Variants in BEND7 observed in about 807,000 individuals in gnomAD.
BEND7 encodes the protein BEN domain containing 7, also known as BEN domain-containing protein 7.
A neutral mutation model predicts 50.9 loss-of-function variants in BEND7; 28 were observed. The observed-to-expected ratio is 0.55, with a 90% CI of 0.41 to 0.75. BEND7 has a LOEUF of 0.75. Among genes scored for constraint, BEND7 ranks in the 30% least tolerant of loss-of-function variants. The pLI, the probability that BEND7 is intolerant of heterozygous loss-of-function variation, is 0.00. For synonymous variants in BEND7, 170 were observed against 183.9 expected (o/e 0.92, Z 0.61); for missense variants, 477 against 491.3 (o/e 0.97, Z 0.28).
chr10:13,498,166 C>G (rs1378754632), intron 3 of BEND7, among the ~76,000 whole-genome samples: 1 of 150,776 alleles, frequency 6.6e-6, no homozygotes, highest in Admixed American at 6.6e-5. Flanking sequence ...ACCCCTGCCT[C>G]CCAGGCTCAA....
At position 13,441,371 on chromosome 10, in the gene BEND7, C is replaced by T; in HGVS notation, c.*372G>A. ...GAACAGTAGTCACAGTAAGTAAACA[C>T]AATTTTAATTTACAAAATATGATTT... On this transcript the variant is annotated 3_prime_UTR_variant, in exon 9 of 9. Coordinates refer to ENST00000466271, the MANE Select transcript of BEND7 (RefSeq NM_001369863.1). The T allele has an allele frequency of 9.4e-7, 1 of 1,059,550 alleles. No homozygotes were observed. Among genetic ancestry groups the T allele is most frequent in the Non-Finnish European group, 1.1e-6 (1 of 879,304 alleles). The allele number at this position is 1,059,550 out of a possible 1,614,324, so 65.6% of individuals were successfully genotyped here. A position where few individuals can be genotyped will look rare whatever the true frequency, so the allele number is the denominator to read the frequency against.
chr10:13,524,071 G>A (rs2079263031), intron 2 of BEND7, among the ~76,000 whole-genome samples: 1 of 152,166 alleles, frequency 6.6e-6, no homozygotes, highest in Non-Finnish European at 1.5e-5. Context: ...AAGCAACAAC[G>A]TCTATCATCT....
chr10:13,499,008 T>C (rs10906395), intron 3 of BEND7, among the ~76,000 whole-genome samples: 49,140 of 152,124 alleles, frequency 0.32, 8,239 homozygotes, highest in Non-Finnish European at 0.38. Context: ...TTAAGGAAAC[T>C]GAAAATGCTT....
intron 2 of BEND7, among the ~76,000 whole-genome samples, chr10:13,516,039 G>C (rs1348362446): frequency 2.6e-5 from 4 of 152,170 alleles, no homozygotes; most frequent in African/African-American, 2.4e-5. Context: ...CTGATCTACT[G>C]ATAACTGGAG....
intron 6 of BEND7, among the ~76,000 whole-genome samples, chr10:13,462,723 AT>A (rs779085077): frequency 6.6e-6 from 1 of 152,234 alleles, no homozygotes; most frequent in Non-Finnish European, 1.5e-5. Flanking sequence ...GAGGGAGAGA[AT>A]TCAAAGAATG....
chr10:13,457,253 C>A (rs10906376), intron 6 of BEND7, among the ~76,000 whole-genome samples: 46,865 of 152,092 alleles, frequency 0.31, 8,523 homozygotes, highest in East Asian at 0.67. Flanking sequence ...GCGGACAAGC[C>A]AGTTTAAGAT....
At chr10:13,466,288 G>A (rs758907227) in intron 6 of BEND7, among the ~76,000 whole-genome samples, 13 of 151,654 alleles carry the variant, frequency 8.6e-5, no homozygotes, top group Admixed American at 6.6e-4. Context: ...TAGGCCGGGC[G>A]CAGTGGTTCA....
At chr10:13,458,064 G>C (rs1839395009) in intron 6 of BEND7, among the ~76,000 whole-genome samples, 1 of 152,230 alleles carries the variant, frequency 6.6e-6, no homozygotes, top group Admixed American at 6.5e-5. Flanking sequence ...CTTCTGCTTA[G>C]TATAATTTGA....
chr10:13,483,755 C>T (rs745400012), intron 5 of BEND7, among the ~76,000 whole-genome samples: 6 of 152,074 alleles, frequency 3.9e-5, no homozygotes, highest in Non-Finnish European at 7.4e-5. Context: ...TAAAGTCGAA[C>T]GTGATAAAAC....
At chr10:13,511,525 G>A (rs2078272740) in intron 2 of BEND7, among the ~76,000 whole-genome samples, 1 of 152,164 alleles carries the variant, frequency 6.6e-6, no homozygotes, top group South Asian at 2.1e-4. Context: ...AGGAACGACT[G>A]ACTCAGCAGC....
At chr10:13,518,834 C>T (rs539179106) in intron 2 of BEND7, among the ~76,000 whole-genome samples, 3 of 152,310 alleles carry the variant, frequency 2.0e-5, no homozygotes, top group East Asian at 3.9e-4. Context: ...AGAGTCCTAA[C>T]GACAGTGTCC....
At chr10:13,524,405 G>A (rs1005763260) in intron 2 of BEND7, among the ~76,000 whole-genome samples, 3 of 152,198 alleles carry the variant, frequency 2.0e-5, no homozygotes, top group African/African-American at 7.2e-5. Flanking sequence ...CACTTTGGGA[G>A]GCTGAGGCAG....
chr10:13,488,986 T>C (rs182997001), intron 5 of BEND7, among the ~76,000 whole-genome samples: 92 of 152,350 alleles, frequency 6.0e-4, no homozygotes, highest in African/African-American at 2.1e-3. Flanking sequence ...ATAAGTTTTA[T>C]TTTAAAATAT....
intron 6 of BEND7, among the ~76,000 whole-genome samples, chr10:13,466,797 T>C (rs977554254): frequency 6.6e-6 from 1 of 152,070 alleles, no homozygotes; most frequent in Non-Finnish European, 1.5e-5. Flanking sequence ...AAGTCATGCG[T>C]TTTTCTCTTT....
chr10:13,503,622 G>A (rs1237915277), intron 2 of BEND7, among the ~76,000 whole-genome samples: 1 of 152,244 alleles, frequency 6.6e-6, no homozygotes, highest in Non-Finnish European at 1.5e-5. Flanking sequence ...TGAGGCAGGA[G>A]AATCACTTGA....
At chr10:13,527,197 C>T (rs2079498195) in intron 1 of BEND7, among the ~76,000 whole-genome samples, 2 of 151,798 alleles carry the variant, frequency 1.3e-5, no homozygotes, top group Admixed American at 6.6e-5. Context: ...TTTAAAAGTC[C>T]AAGTAACTGA....
chr10:13,452,148 TTTC>T (rs1837889852), intron 7 of BEND7, among the ~76,000 whole-genome samples: 1 of 152,244 alleles, frequency 6.6e-6, no homozygotes, highest in South Asian at 2.1e-4. Flanking sequence ...GAAGAGCTTC[TTTC>T]TTCTTTTTTT....
intron 8 of BEND7, chr10:13,441,962 A>G: frequency 1.7e-6 from 1 of 595,900 alleles, no homozygotes; most frequent in East Asian, 2.8e-5. Flanking sequence ...GCTTTTTGTT[A>G]CAGTACAGGG....
In BEND7 at chr10:13,447,839, G is replaced by A. The variant is rs137889687; in HGVS notation, c.1184-523C>T. Reference sequence around the variant, plus strand: ...ATTCTATTGATCACTGATGATTTCTGTTTATTTTCACTTATTTACATAGGC... The same window carrying A: ...ATTCTATTGATCACTGATGATTTCTATTTATTTTCACTTATTTACATAGGC... On this transcript the variant is annotated intron_variant, in intron 7 of 8. Coordinates refer to ENST00000466271, the MANE Select transcript of BEND7 (RefSeq NM_001369863.1). Among the ~76,000 whole-genome samples the A allele has an allele frequency of 3.3e-3, 506 of 152,202 alleles. 3 individuals are homozygous for A. The highest frequency in any genetic ancestry group is 6.9e-3 in the Admixed American group (106 of 15,288).
Sources: gnomAD v4.1 joint callset for allele counts (sites outside exome capture counted in the v4.1 genomes callset) on GRCh38, gnomAD v4.1.1 for gene constraint, MANE v1.5 for transcripts, NCBI Gene and HGNC (gene_info 2026-07-23, HGNC 2026-07-21) for gene names.